Variants in ZFP37 observed in about 807,000 individuals in gnomAD.
ZFP37 encodes the protein zinc finger protein 37 homolog.
ZFP37 carries 38 observed loss-of-function variants against 52.1 expected under a neutral mutation model. The observed-to-expected ratio is 0.73, with a 90% CI of 0.56 to 0.96. ZFP37 has a LOEUF of 0.96. Among genes scored for constraint, ZFP37 ranks in the 40% least tolerant of loss-of-function variants. The pLI is 0.00. For synonymous variants in ZFP37, 253 were observed against 259.5 expected (o/e 0.98, Z 0.24); for missense variants, 695 against 741.4 (o/e 0.94, Z 0.73).
intron 1 of ZFP37, 157 bp from the exon 2 acceptor site, chr9:113,050,029 A>G: frequency 1.7e-6 from 2 of 1,185,222 alleles, no homozygotes. Context: ...ATGATATTAT[A>G]AAGGATACCT....
chr9:113,044,113 G>A lies in ZFP37; in HGVS notation c.505C>T (p.Pro169Ser). 6.2e-7 allele frequency: 1 copy of A among 1,611,446 alleles called. No individual in the cohort carries two copies. The highest frequency in any genetic ancestry group is 1.1e-5 in the South Asian group (1 of 90,014). Reference protein sequence around the residue: ...KKNNLHKKHVPSKKRLLKFES... With the variant: ...KKNNLHKKHVSSKKRLLKFES... ...AATTTAAGAAGCCTTTTCTTTGAAG[G>A]AACATGTTTTTTATGCAAATTATTT... Residue 169 changes from proline (P) to serine (S), a missense_variant, in exon 4 of 4, where the codon CCT (proline) becomes TCT (serine). By Grantham distance (74) the Pro-to-Ser change is moderately conservative. Transcript: ENST00000374227.
chr9:113,044,589 A>T (rs1828919438), intron 3 of ZFP37, among the ~76,000 whole-genome samples: 1 of 152,100 alleles, frequency 6.6e-6, no homozygotes, highest in Non-Finnish European at 1.5e-5. Context: ...ATTGTAGCTG[A>T]TACTTTTTGA....
rs1828906472 is a variant in ZFP37 at position 113,043,978 on chromosome 9, G to T, written c.640C>A (p.His214Asn). The T allele has an allele frequency of 6.2e-7, 1 of 1,613,970 alleles. No homozygotes were observed. The highest frequency in any genetic ancestry group is 8.5e-7 in the Non-Finnish European group (1 of 1,179,934). Reference sequence around the variant, plus strand: ...CCTTTCCTTGTATCAGATAAGCTATGGTTGAATGACTTCTTGTGTTCTTTA... The same window carrying T: ...CCTTTCCTTGTATCAGATAAGCTATTGTTGAATGACTTCTTGTGTTCTTTA... ...AAKEHKKSFN[H>N]SLSDTRKGKK... The change falls in exon 4 of 4, where the codon CAT (histidine) becomes AAT (asparagine). Residue 214 changes from histidine (H) to asparagine (N), a missense_variant. Transcript: ENST00000374227.
rs1360427896 is a variant in ZFP37, at chr9:113,040,443, A to T, written c.*2282T>A. ...TGCATTTTCTTCCCATGTGATAAAT[A>T]AGTTACTTGGAAATGAGGGGATATA... On this transcript the variant is annotated 3_prime_UTR_variant, in exon 4 of 4. Transcript: ENST00000374227. The T allele has an allele frequency of 6.6e-6, 1 of 152,208 alleles. No homozygotes were observed. Among genetic ancestry groups the T allele is most frequent in the Admixed American group, 6.5e-5 (1 of 15,278 alleles). 9.4% of individuals were successfully genotyped at this position (152,208 alleles called of 1,614,324 possible). A position where few individuals can be genotyped will look rare whatever the true frequency, so the allele number is the denominator to read the frequency against.
At position 113,056,625 on chromosome 9, in the gene ZFP37, C is replaced by A; in HGVS notation, c.64G>T (p.Ala22Ser). 6.2e-7 allele frequency: 1 copy of A among 1,614,058 alleles called. No individual in the cohort carries two copies. Among genetic ancestry groups the A allele is most frequent in the Non-Finnish European group, 8.5e-7 (1 of 1,180,032 alleles). The stretch of plus-strand genomic sequence containing the variant: ...CGCCCGGCCTCTTTGGTCGTTTCCG[C>A]ACTTCTCCTCCGGTCCACGGTCTCT... ...KPETVDRRRS[A>S]ETTKEAGRPL... The change falls in exon 1 of 4, where the codon GCG becomes TCG. Residue 22 changes from alanine to serine, a missense_variant. This residue lies in a region of ZFP37 where 369 missense variants were observed against 340.9 expected (regional missense o/e 1.08). Transcript: ENST00000374227.
chr9:113,049,439 C>G lies in ZFP37; in HGVS notation c.272G>C (p.Trp91Ser). 1.9e-6 allele frequency: 3 copies of G among 1,614,100 alleles called. No homozygotes were observed. Among genetic ancestry groups the G allele is most frequent in the Non-Finnish European group, 2.5e-6 (3 of 1,179,994 alleles). Reference sequence around the variant, plus strand: ...ACTGGGTCTTTTCCCCTTCCCCAACCATGGTGCTTCTCCTTTTTCCAACTT... The same window carrying G: ...ACTGGGTCTTTTCCCCTTCCCCAACGATGGTGCTTCTCCTTTTTCCAACTT... Reference protein sequence around the residue: ...ISKLEKGEAPWLGKGKRPSQG... With the variant: ...ISKLEKGEAPSLGKGKRPSQG... Residue 91 changes from tryptophan (W) to serine (S), a missense_variant, in exon 3 of 4, where the codon TGG (tryptophan) becomes TCG (serine). By Grantham distance (177) the Trp-to-Ser change is radical. Around this residue, in one of 2 missense-constraint regions of ZFP37, gnomAD observed 369 missense variants for 340.9 expected, o/e 1.08. Coordinates refer to ENST00000374227, the MANE Select transcript of ZFP37 (RefSeq NM_003408.3).
intron 2 of ZFP37, 49 bp downstream of exon 2, chr9:113,049,742 G>A (rs749300061): frequency 3.8e-6 from 6 of 1,594,682 alleles, no homozygotes; most frequent in East Asian, 2.2e-5. Flanking sequence ...ACTCCAGAGA[G>A]AAGGTATCAC....
chr9:113,044,662 T>C (rs1433707610), intron 3 of ZFP37, among the ~76,000 whole-genome samples: 3 of 152,056 alleles, frequency 2.0e-5, no homozygotes. Flanking sequence ...AATATATTGC[T>C]CCTGCAGCCT....
Position 113,044,290 on chromosome 9 carries a change from T to C in ZFP37, c.350-22A>G, listed in dbSNP as rs780976860. ...ACTTCTAAAATGGAATTCAGTGAGA[T>C]ATTCTTGTGAATCTTTGTACTCTTA... On this transcript the variant is annotated intron_variant, in intron 3 of 3. Transcript: ENST00000374227. 2.0e-6 allele frequency: 3 copies of C among 1,528,750 alleles called. No homozygotes were observed. In the South Asian group the frequency reaches 3.9e-5, roughly 20 times the overall value. The allele number at this position is 1,528,750 out of a possible 1,614,324, so 94.7% of individuals were successfully genotyped here.
rs1218452082 is a variant in ZFP37, at chr9:113,040,718, G to A, written c.*2007C>T. On this transcript the variant is annotated 3_prime_UTR_variant, in exon 4 of 4. Transcript: ENST00000374227. The stretch of plus-strand genomic sequence containing the variant: ...TACTCAACAGGATTGAACATGACTA[G>A]ACAAGTCCCGATTACTGCTCATATG... 1 of 152,104 alleles carries A rather than the reference G, an allele frequency of 6.6e-6. No individual in the cohort carries two copies. Among genetic ancestry groups the A allele is most frequent in the Non-Finnish European group, 1.5e-5 (1 of 68,006 alleles). The allele number at this position is 152,104 out of a possible 1,614,324, so 9.4% of individuals were successfully genotyped here.
At chr9:113,049,708 A>T in intron 2 of ZFP37, 83 bp downstream of exon 2, 1 of 1,545,648 alleles carries the variant, frequency 6.5e-7, no homozygotes, top group Non-Finnish European at 8.7e-7. Flanking sequence ...TGACCCACAA[A>T]AATGAAGGCC....
At position 113,043,107 on chromosome 9, in the gene ZFP37, A is replaced by G. The variant is rs1361503120; in HGVS notation, c.1511T>C (p.Leu504Pro). 1.9e-6 allele frequency: 3 copies of G among 1,613,620 alleles called. No individual in the cohort carries two copies. The East Asian group carries it at 6.7e-5, about 36-fold the overall frequency. The part of the protein sequence containing the change: ...CGKAFGHSSS[L>P]TYHMRTHTGE... ...TGTATGAGTTCTCATATGGTAAGTA[A>G]GAGATGAGCTATGTCCAAAGGCTTT... The change falls in exon 4 of 4, where the codon CTT becomes CCT. Residue 504 changes from leucine (L) to proline (P), a missense_variant. Physicochemically the swap from Leu to Pro is moderately conservative, Grantham distance 98 (BLOSUM62 -3). This residue lies in a region of ZFP37 where 326 missense variants were observed against 400.5 expected (regional missense o/e 0.81). Transcript: ENST00000374227.
At chr9:113,056,524 C>A in intron 1 of ZFP37, 33 bp downstream of exon 1, 1 of 1,608,274 alleles carries the variant, frequency 6.2e-7, no homozygotes, top group South Asian at 1.1e-5. Flanking sequence ...CATCTCTGAC[C>A]GCCAAAACAC....
At position 113,041,833 on chromosome 9, in the gene ZFP37, ATATTT is replaced by A. The variant is rs1231849109; in HGVS notation, c.*887_*891del. On this transcript the variant is annotated 3_prime_UTR_variant, in exon 4 of 4. Coordinates refer to ENST00000374227, the MANE Select transcript of ZFP37 (RefSeq NM_003408.3). ...ATAATGTTGATTTATGCATATTAAA[ATATTT>A]TAATTATAAAAATAATACATGTGCA... 6.6e-6 allele frequency: 1 copy of A among 152,196 alleles called. No individual in the cohort carries two copies. The highest frequency in any genetic ancestry group is 1.5e-5 in the Non-Finnish European group (1 of 68,030). 9.4% of individuals were successfully genotyped at this position (152,196 alleles called of 1,614,324 possible).
chr9:113,049,307 T>C, intron 3 of ZFP37, 55 bp downstream of exon 3: 1 of 1,590,564 alleles, frequency 6.3e-7, no homozygotes, highest in Non-Finnish European at 8.6e-7. Context: ...CTAGGATCTT[T>C]AAGAAGAATT....
intron 1 of ZFP37, chr9:113,050,123 G>T: frequency 4.7e-6 from 2 of 422,666 alleles, no homozygotes; most frequent in Non-Finnish European, 4.0e-6. Flanking sequence ...AGTGGCTCAT[G>T]CCTGTAATCC....
intron 3 of ZFP37, among the ~76,000 whole-genome samples, chr9:113,047,491 C>T (rs1254703003): frequency 6.6e-6 from 1 of 152,070 alleles, no homozygotes; most frequent in African/African-American, 2.4e-5. Flanking sequence ...GTGGCTCACA[C>T]CTGTAATCCC....
chr9:113,049,905 A>G (rs1260896909), intron 1 of ZFP37, 33 bp from the exon 2 acceptor site: 1 of 1,613,676 alleles, frequency 6.2e-7, no homozygotes, highest in South Asian at 1.1e-5. Context: ...ACATGTTTGA[A>G]TGTTACTGAT....
Position 113,050,940 on chromosome 9 carries a change from T to C in ZFP37, c.133-1068A>G, listed in dbSNP as rs1829047007. Reference sequence around the variant, plus strand: ...GTTTGGCAGCAAAAGTAAGATATTGTAGGCATGTAAGAATGCAGAATGTAC... The same window carrying C: ...GTTTGGCAGCAAAAGTAAGATATTGCAGGCATGTAAGAATGCAGAATGTAC... On this transcript the variant is annotated intron_variant, in intron 1 of 3. Coordinates refer to ENST00000374227, the MANE Select transcript of ZFP37 (RefSeq NM_003408.3). Among the ~76,000 whole-genome samples the C allele has an allele frequency of 2.0e-5, 3 of 151,698 alleles. No homozygotes were observed. In the East Asian group the frequency reaches 5.8e-4, roughly 29 times the overall value.
Sources: allele counts gnomAD v4.1 joint callset (sites outside exome capture counted in the v4.1 genomes callset), GRCh38; gene constraint gnomAD v4.1.1; regional missense constraint gnomAD v4.1.1; transcripts MANE v1.5; gene names NCBI Gene and HGNC (gene_info 2026-07-23, HGNC 2026-07-21).